TRPM3: variants seen among roughly 807,000 people sequenced by gnomAD.
TRPM3 encodes transient receptor potential cation channel subfamily M member 3.
Under a neutral mutation model 181.2 loss-of-function variants are expected in TRPM3, and 77 were observed. That is an observed-to-expected ratio of 0.42 (90% CI 0.35 to 0.51). The LOEUF (loss-of-function observed/expected upper bound fraction) is 0.51, where lower values mean the gene tolerates loss of function less well. TRPM3 is among the 20% of genes least tolerant of loss of function. TRPM3 has a pLI of 0.01. For missense variants in TRPM3, 1,759 were observed against 2,196.7 expected (o/e 0.80, Z 3.98); for synonymous variants, 745 against 796.4 (o/e 0.94, Z 1.09).
chr9:70,679,805 A>T (rs1489541148), intron 9 of TRPM3, among the ~76,000 whole-genome samples: 1 of 152,230 alleles, frequency 6.6e-6, no homozygotes, highest in Non-Finnish European at 1.5e-5. Context: ...AGTTACTGAC[A>T]TTATTACTTT....
At chr9:70,685,442 G>C (rs1360205056) in intron 8 of TRPM3, among the ~76,000 whole-genome samples, 1 of 152,110 alleles carries the variant, frequency 6.6e-6, no homozygotes, top group Non-Finnish European at 1.5e-5. Flanking sequence ...GTCTCACTCT[G>C]TTGCCCAGGC....
chr9:70,621,408 G>A (rs953342793), intron 14 of TRPM3, 135 bp from the exon 15 acceptor site: 1 of 482,994 alleles, frequency 2.1e-6, no homozygotes. Flanking sequence ...TTTGTCACCT[G>A]AGTTGGAGTG....
intron 1 of TRPM3, among the ~76,000 whole-genome samples, chr9:71,192,190 T>G (rs146377850): frequency 6.6e-6 from 1 of 151,958 alleles, no homozygotes; most frequent in East Asian, 1.9e-4. Context: ...TTTTTAATGT[T>G]CTTCCAAATC....
intron 1 of TRPM3, among the ~76,000 whole-genome samples, chr9:70,993,911 A>G (rs1680850798): frequency 6.6e-6 from 1 of 152,004 alleles, no homozygotes; most frequent in Non-Finnish European, 1.5e-5. Context: ...TCCTGGGGGG[A>G]AAACAGGCAA....
intron 1 of TRPM3, among the ~76,000 whole-genome samples, chr9:71,242,382 C>G (rs1422651183): frequency 1.3e-5 from 2 of 152,162 alleles, no homozygotes; most frequent in African/African-American, 2.4e-5. Flanking sequence ...TGGCACTACT[C>G]TGAAAAGTCT....
chr9:71,032,036 AT>A (rs2057466254), intron 1 of TRPM3, among the ~76,000 whole-genome samples: 1 of 98 alleles, frequency 0.01, no homozygotes, highest in African/African-American at 0.024. Context: ...TAATATAAAT[AT>A]ATATATATAT....
chr9:70,582,402 T>A (rs2056101183), intron 22 of TRPM3, among the ~76,000 whole-genome samples: 1 of 152,236 alleles, frequency 6.6e-6, no homozygotes, highest in Non-Finnish European at 1.5e-5. Flanking sequence ...TCACTCTCTA[T>A]CCTCTGCTTC....
intron 3 of TRPM3, among the ~76,000 whole-genome samples, chr9:70,852,470 A>G (rs1353195384): frequency 3.9e-5 from 6 of 152,072 alleles, no homozygotes; most frequent in Non-Finnish European, 8.8e-5. Context: ...TTTACCTATG[A>G]CCAATCAGTC....
rs1446063560 is a variant in TRPM3, at chr9:70,537,134, T to C, written c.3979A>G (p.Ile1327Val). Residue 1327 changes from isoleucine to valine, a missense_variant, in exon 26 of 26, where the codon ATA becomes GTA. By Grantham distance (29) the Ile-to-Val change is conservative (BLOSUM62 3). Around this residue, in one of 8 missense-constraint regions of TRPM3, gnomAD observed 612 missense variants for 590.0 expected, o/e 1.04. Transcript: ENST00000677713. Reference sequence around the variant, plus strand: ...ATGGTCTCCTCACCTGCAGGGTCTATACTCTCTTGGAGCTTGAAGGTGTTC... The same window carrying C: ...ATGGTCTCCTCACCTGCAGGGTCTACACTCTCTTGGAGCTTGAAGGTGTTC... ...EGNTFKLQES[I>V]DPAGEETMSP... 1.2e-6 allele frequency: 2 copies of C among 1,601,826 alleles called. No homozygotes were observed.
At chr9:71,325,338 T>A (rs1468697914) in intron 1 of TRPM3, among the ~76,000 whole-genome samples, 1 of 152,186 alleles carries the variant, frequency 6.6e-6, no homozygotes, top group Non-Finnish European at 1.5e-5. Flanking sequence ...CTGATATGTC[T>A]TCAGCACCAA....
intron 1 of TRPM3, among the ~76,000 whole-genome samples, chr9:70,866,648 G>T (rs2095655497): frequency 1.3e-5 from 2 of 152,028 alleles, no homozygotes; most frequent in South Asian, 2.1e-4. Flanking sequence ...CTCCCTTTGT[G>T]TTGGGGATGA....
At chr9:70,784,999 T>C (rs756535083) in intron 6 of TRPM3, among the ~76,000 whole-genome samples, 1 of 152,150 alleles carries the variant, frequency 6.6e-6, no homozygotes, top group African/African-American at 2.4e-5. Flanking sequence ...GTAGCTGGGA[T>C]TATAGGCACG....
At chr9:70,840,039 C>T (rs2094544593) in intron 5 of TRPM3, among the ~76,000 whole-genome samples, 1 of 152,064 alleles carries the variant, frequency 6.6e-6, no homozygotes, top group African/African-American at 2.4e-5. Flanking sequence ...CTAATGACCA[C>T]CATCATTTTA....
At chr9:71,406,131 A>C (rs1394519244) in intron 1 of TRPM3, among the ~76,000 whole-genome samples, 2 of 152,102 alleles carry the variant, frequency 1.3e-5, no homozygotes, top group African/African-American at 4.8e-5. Flanking sequence ...ACAACAACAC[A>C]AAAGTAAACA....
At chr9:70,968,699 T>C (rs2097209140) in intron 1 of TRPM3, among the ~76,000 whole-genome samples, 1 of 152,138 alleles carries the variant, frequency 6.6e-6, no homozygotes, top group Admixed American at 6.6e-5. Flanking sequence ...GTGTCGGGGC[T>C]GTGATAAGTT....
intron 8 of TRPM3, among the ~76,000 whole-genome samples, chr9:70,743,703 C>T (rs983410682): frequency 5.9e-5 from 9 of 151,958 alleles, no homozygotes; most frequent in Admixed American, 1.3e-4. Context: ...CCTAGGGATG[C>T]AGAGTGGAAA....
At chr9:71,095,883 A>C (rs1488049790) in intron 1 of TRPM3, among the ~76,000 whole-genome samples, 2 of 152,044 alleles carry the variant, frequency 1.3e-5, no homozygotes, top group Non-Finnish European at 2.9e-5. Flanking sequence ...TTCTTCACCC[A>C]GATAGCTACC....
intron 1 of TRPM3, among the ~76,000 whole-genome samples, chr9:70,901,961 G>A (rs943191587): frequency 2.6e-5 from 4 of 152,230 alleles, no homozygotes; most frequent in Admixed American, 6.5e-5. Flanking sequence ...GCTTGTTGCC[G>A]CAATTAGGAT....
intron 1 of TRPM3, among the ~76,000 whole-genome samples, chr9:71,408,151 A>G (rs1182774616): frequency 6.6e-6 from 1 of 152,252 alleles, no homozygotes; most frequent in Non-Finnish European, 1.5e-5. Flanking sequence ...GGGAGAAACC[A>G]GAGCAGAAAA....
Sources: allele counts gnomAD v4.1 joint callset (sites outside exome capture counted in the v4.1 genomes callset), GRCh38; gene constraint gnomAD v4.1.1; regional missense constraint gnomAD v4.1.1; transcripts MANE v1.5; gene names NCBI Gene and HGNC (gene_info 2026-07-23, HGNC 2026-07-21).